The following MTHFD1L variants were observed in gnomAD, a reference collection of about 807,000 sequenced individuals.
The protein encoded by MTHFD1L is methylenetetrahydrofolate dehydrogenase (NADP+ dependent) 1 like, also known as monofunctional C1-tetrahydrofolate synthase, mitochondrial.
A neutral mutation model predicts 119.5 loss-of-function variants in MTHFD1L; 81 were observed. The ratio of observed to expected loss-of-function variants is 0.68; its 90% CI spans 0.57 to 0.82. MTHFD1L has a LOEUF of 0.82. Among genes scored for constraint, MTHFD1L ranks in the 40% least tolerant of loss-of-function variants. MTHFD1L has a pLI of 0.00. For synonymous variants in MTHFD1L, 430 were observed against 475.2 expected, an observed-to-expected ratio of 0.90 and a Z score of 1.24; for missense variants, 1,125 against 1,253.4, an observed-to-expected ratio of 0.90 and a Z score of 1.55.
At chr6:151,052,945 T>G (rs149259232) in intron 26 of MTHFD1L, among the ~76,000 whole-genome samples, 6 of 152,312 alleles carry the variant, frequency 3.9e-5, no homozygotes, top group African/African-American at 1.4e-4. Context: ...AAATGAAGCA[T>G]TACTGCACTG....
At chr6:151,095,627 G>A (rs941358930) in intron 27 of MTHFD1L, among the ~76,000 whole-genome samples, 1 of 152,144 alleles carries the variant, frequency 6.6e-6, no homozygotes, top group Non-Finnish European at 1.5e-5. Context: ...TTATATACGG[G>A]GCCTGCAGGG....
chr6:150,898,913 C>T (rs1784695967), intron 7 of MTHFD1L: 1 of 973,366 alleles, frequency 1.0e-6, no homozygotes, highest in Non-Finnish European at 1.3e-6. Context: ...TCTAGGCTCA[C>T]TGCAAGCTCT....
At chr6:150,987,366 A>G (rs1045913700) in intron 20 of MTHFD1L, among the ~76,000 whole-genome samples, 12 of 152,206 alleles carry the variant, frequency 7.9e-5, no homozygotes, top group African/African-American at 2.9e-4. Context: ...GGACAGCAGA[A>G]GTGACTTCTG....
chr6:151,019,038 G>A (rs1256525045), intron 24 of MTHFD1L, among the ~76,000 whole-genome samples: 1 of 152,162 alleles, frequency 6.6e-6, no homozygotes, highest in African/African-American at 2.4e-5. Context: ...CCCTGCTGTG[G>A]GCAAGTCAGA....
chr6:150,926,230 A>C lies in MTHFD1L; in HGVS notation c.1191A>C (p.Lys397Asn). ...EIEIYGKSKAKVRLSVLERLK... is the reference protein window; with the variant it reads ...EIEIYGKSKANVRLSVLERLK... ...AAATCTATGGCAAAAGCAAAGCCAA[A>C]GTACGTTTGTCCGTGCTAGAAAGGT... is the stretch of plus-strand genomic sequence containing the variant. The change falls in exon 11 of 28, where the codon AAA (lysine) becomes AAC (asparagine). Residue 397 changes from lysine (K) to asparagine (N), a missense_variant. By Grantham distance (94) the Lys-to-Asn change is moderately conservative (BLOSUM62 0). This residue lies in a region of MTHFD1L where 1,058 missense variants were observed against 1,151.2 expected (regional missense o/e 0.92). Transcript: ENST00000367321. This position sits in a 1 kb window ranked among gnomAD's most constrained non-coding sequence, Gnocchi z 4.3. 6.2e-7 allele frequency: 1 copy of C among 1,614,164 alleles called. No homozygotes were observed. The highest frequency in any genetic ancestry group is 8.5e-7 in the Non-Finnish European group (1 of 1,180,028).
At chr6:150,867,237 G>A (rs1480193152) in intron 1 of MTHFD1L, among the ~76,000 whole-genome samples, 1 of 152,168 alleles carries the variant, frequency 6.6e-6, no homozygotes, top group African/African-American at 2.4e-5. Context: ...TGTTGCTCAG[G>A]CTGGAGTTCA....
At chr6:151,075,123 A>G (rs897114755) in intron 26 of MTHFD1L, among the ~76,000 whole-genome samples, 1 of 152,328 alleles carries the variant, frequency 6.6e-6, no homozygotes, top group African/African-American at 2.4e-5. Flanking sequence ...TAAGAAAAAG[A>G]ATAGCAAAAT....
intron 8 of MTHFD1L, among the ~76,000 whole-genome samples, chr6:150,910,907 A>C (rs1273664003): frequency 6.6e-6 from 1 of 152,226 alleles, no homozygotes; most frequent in Non-Finnish European, 1.5e-5. Context: ...ATGTAAGAAA[A>C]GTCAGCTTTA....
chr6:150,909,354 AC>A (rs1786477792), intron 8 of MTHFD1L, among the ~76,000 whole-genome samples: 2 of 151,630 alleles, frequency 1.3e-5, no homozygotes, highest in Admixed American at 1.3e-4. Context: ...TGGCACGATC[AC>A]AGCCTCAAAC....
chr6:150,896,471 G>A (rs1268152780), intron 7 of MTHFD1L, among the ~76,000 whole-genome samples: 2 of 152,294 alleles, frequency 1.3e-5, no homozygotes, highest in East Asian at 3.9e-4. Flanking sequence ...TGCTGTGGGT[G>A]AGATGGAGAA....
chr6:150,885,568 C>G, intron 5 of MTHFD1L, 66 bp from the exon 6 acceptor site: 1 of 1,151,982 alleles, frequency 8.7e-7, no homozygotes, highest in Non-Finnish European at 1.3e-6. Context: ...AATATATGTA[C>G]ATTACACGTG....
chr6:150,866,527 A>C, intron 1 of MTHFD1L: 8 of 1,274,496 alleles, frequency 6.3e-6, no homozygotes, highest in Non-Finnish European at 7.9e-6. Context: ...GCTCGGGCCC[A>C]GCGCCGCCCG....
chr6:150,945,423 A>G, intron 14 of MTHFD1L, 44 bp from the exon 15 acceptor site: 2 of 1,517,576 alleles, frequency 1.3e-6, no homozygotes, highest in East Asian at 2.3e-5. Context: ...AAGTTCATGG[A>G]CAACTAACTT....
At chr6:150,898,397 A>G (rs553283959) in intron 7 of MTHFD1L, among the ~76,000 whole-genome samples, 9 of 152,184 alleles carry the variant, frequency 5.9e-5, no homozygotes, top group Admixed American at 5.9e-4. Flanking sequence ...TCAATTCCTC[A>G]CTTTTCAAAG....
At chr6:150,872,782 G>C (rs74691011) in intron 1 of MTHFD1L, among the ~76,000 whole-genome samples, 5 of 151,154 alleles carry the variant, frequency 3.3e-5, no homozygotes, top group Non-Finnish European at 7.4e-5. Context: ...CACAAAAAAT[G>C]ATGTATGCCT....
At chr6:151,016,008 A>G (rs1372798792) in intron 24 of MTHFD1L, among the ~76,000 whole-genome samples, 1 of 151,992 alleles carries the variant, frequency 6.6e-6, no homozygotes, top group East Asian at 1.9e-4. Flanking sequence ...AATTGCTTGA[A>G]CCCAGGAGGT....
rs371861328 is a variant in MTHFD1L at position 151,037,120 on chromosome 6, G to T, written c.2847+3G>T. On this transcript the variant is annotated splice_donor_region_variant and intron_variant, in intron 26 of 27. Transcript: ENST00000367321. Reference sequence around the variant, plus strand: ...TCATTTACCCTTTGGTCGGAACGGTGAGTGAGTCACATTTTCCAAAAACCC... The same window carrying T: ...TCATTTACCCTTTGGTCGGAACGGTTAGTGAGTCACATTTTCCAAAAACCC... The T allele has an allele frequency of 1.9e-5, 30 of 1,611,756 alleles. No homozygotes were observed. Among genetic ancestry groups the T allele is most frequent in the Non-Finnish European group, 2.5e-5 (29 of 1,179,760 alleles).
At chr6:151,092,385 C>T (rs1794527727) in intron 26 of MTHFD1L, 82 bp from the exon 27 acceptor site, 18 of 1,038,338 alleles carry the variant, frequency 1.7e-5, no homozygotes, top group South Asian at 4.2e-5. Context: ...CTGTATTGAA[C>T]GATAGAGTTA....
chr6:150,909,923 G>A (rs1786569940), intron 8 of MTHFD1L, among the ~76,000 whole-genome samples: 1 of 152,194 alleles, frequency 6.6e-6, no homozygotes, highest in African/African-American at 2.4e-5. Flanking sequence ...GCTCATGCCT[G>A]TAATCCCAGC....
Sources: allele counts gnomAD v4.1 joint callset (sites outside exome capture counted in the v4.1 genomes callset), GRCh38; gene constraint gnomAD v4.1.1; regional missense constraint gnomAD v4.1.1; non-coding constraint Gnocchi (gnomAD v3.1); transcripts MANE v1.5; gene names NCBI Gene and HGNC (gene_info 2026-07-23, HGNC 2026-07-21).